The following ZNF473 variants were observed in gnomAD, a reference collection of about 807,000 sequenced individuals.
ZNF473 encodes the protein zinc finger protein 100 homolog.
ZNF473 carries 4 observed loss-of-function variants against 11.1 expected under a neutral mutation model. The ratio of observed to expected loss-of-function variants is 0.36; its 90% CI spans 0.18 to 0.82. The LOEUF (loss-of-function observed/expected upper bound fraction) is 0.82. ZNF473 is among the 40% of genes least tolerant of loss of function. ZNF473 has a pLI of 0.49. For synonymous variants in ZNF473, 404 were observed against 390.4 expected, an observed-to-expected ratio of 1.03 and a Z score of -0.41; for missense variants, 854 against 1,084.0, an observed-to-expected ratio of 0.79 and a Z score of 2.98.
intron 4 of ZNF473, chr19:50,043,448 A>AAAATAT (rs1259545565): frequency 2.3e-4 from 25 of 107,914 alleles, no homozygotes; most frequent in Non-Finnish European, 3.7e-4. Context: ...AAAAAAAAAA[A>AAAATAT]ATATATATAT....
chr19:50,036,814 C>G (rs157549), intron 2 of ZNF473, among the ~76,000 whole-genome samples: 75,617 of 152,042 alleles, frequency 0.5, 19,985 homozygotes, highest in East Asian at 0.8. Flanking sequence ...ACCAGCAGGA[C>G]GACCCTCACC....
In ZNF473 at chr19:50,047,240, G is replaced by T; in HGVS notation, c.*181G>T. ...AAAGTGGAGAAGCTGTACAACGTCAGGATTCAGAGGTAGGCTCTGGAGCCA... is the reference window on the plus strand; with the variant it reads ...AAAGTGGAGAAGCTGTACAACGTCATGATTCAGAGGTAGGCTCTGGAGCCA... On this transcript the variant is annotated 3_prime_UTR_variant, in exon 5 of 5. Coordinates refer to ENST00000270617, the MANE Select transcript of ZNF473 (RefSeq NM_015428.4). 1 of 612,134 alleles carries T rather than the reference G, an allele frequency of 1.6e-6. No individual in the cohort carries two copies. The highest frequency in any genetic ancestry group is 2.1e-5 in the South Asian group (1 of 48,000). The allele number at this position is 612,134 out of a possible 1,614,324, so 37.9% of individuals were successfully genotyped here.
At chr19:50,041,996 T>A (rs60573438) in intron 4 of ZNF473, 177 bp downstream of exon 4, 600 of 506,392 alleles carry the variant, frequency 1.2e-3, no homozygotes, top group African/African-American at 0.011. Context: ...GATCAGGACA[T>A]TTTTATAGAC....
intron 3 of ZNF473, 93 bp from the exon 4 acceptor site, chr19:50,041,637 A>G: frequency 8.9e-7 from 1 of 1,126,948 alleles, no homozygotes; most frequent in Non-Finnish European, 1.3e-6. Flanking sequence ...AGGATAAAGC[A>G]TAGAAAAGTC....
chr19:50,045,592 T>C lies in ZNF473; in HGVS notation c.1149T>C (p.Ile383=). 1 of 1,613,842 alleles carries C rather than the reference T, an allele frequency of 6.2e-7. No homozygotes were observed. Among genetic ancestry groups the C allele is most frequent in the African/African-American group, 1.3e-5 (1 of 74,934 alleles). ...TTSECQECGK[I]FRHSSLLIEH... Reference sequence around the variant, plus strand: ...CTGAGTGTCAGGAGTGTGGGAAGATTTTTAGGCACAGTTCGCTGCTCATTG... The same window carrying C: ...CTGAGTGTCAGGAGTGTGGGAAGATCTTTAGGCACAGTTCGCTGCTCATTG... The change falls in exon 5 of 5, where the codon ATT becomes ATC. Residue 383 remains isoleucine, a synonymous_variant. Coordinates refer to ENST00000270617, the MANE Select transcript of ZNF473 (RefSeq NM_015428.4).
At chr19:50,041,943 T>C (rs1323583355) in intron 4 of ZNF473, 124 bp downstream of exon 4, 3 of 712,294 alleles carry the variant, frequency 4.2e-6, no homozygotes, top group Non-Finnish European at 6.7e-6. Context: ...GACTTCACTC[T>C]GCTTCTCGCT....
intron 4 of ZNF473, 114 bp from the exon 5 acceptor site, chr19:50,044,556 C>T: frequency 2.4e-6 from 2 of 824,494 alleles, no homozygotes; most frequent in East Asian, 2.4e-5. Context: ...CCACATGGGT[C>T]ACCCCTTTGG....
At chr19:50,034,471 A>G (rs1406753306) in intron 2 of ZNF473, among the ~76,000 whole-genome samples, 1 of 152,206 alleles carries the variant, frequency 6.6e-6, no homozygotes, top group Non-Finnish European at 1.5e-5. Context: ...GACCTAATGA[A>G]GGCGAACGCC....
intron 1 of ZNF473, among the ~76,000 whole-genome samples, chr19:50,029,699 A>G (rs931707124): frequency 6.6e-6 from 1 of 152,224 alleles, no homozygotes; most frequent in African/African-American, 2.4e-5. Context: ...GGGTCATGAA[A>G]ATAACTAGGT....
intron 2 of ZNF473, among the ~76,000 whole-genome samples, chr19:50,033,524 C>G (rs1014363136): frequency 1.3e-5 from 2 of 152,140 alleles, no homozygotes; most frequent in Non-Finnish European, 2.9e-5. Flanking sequence ...CCTTGCTCGT[C>G]CACCCAATTC....
chr19:50,043,873 G>C (rs1978924220), intron 4 of ZNF473, among the ~76,000 whole-genome samples: 1 of 152,074 alleles, frequency 6.6e-6, no homozygotes. Context: ...AAAAGACTTA[G>C]AGGAGTTAGT....
rs1474019629 is a variant in ZNF473, at chr19:50,047,942, A to G, written c.*883A>G. On this transcript the variant is annotated 3_prime_UTR_variant, in exon 5 of 5. Transcript: ENST00000270617. ...ATATGAAACAACCCATATGGAAGAC[A>G]TACTTAGGGGTCAAACCTGTGGTGT... The G allele has an allele frequency of 6.6e-6, 1 of 152,216 alleles. No individual in the cohort carries two copies. The highest frequency in any genetic ancestry group is 2.4e-5 in the African/African-American group (1 of 41,458). 9.4% of individuals were successfully genotyped at this position (152,216 alleles called of 1,614,324 possible).
chr19:50,035,632 G>A (rs1365242239), intron 2 of ZNF473, among the ~76,000 whole-genome samples: 3 of 152,092 alleles, frequency 2.0e-5, no homozygotes, highest in Non-Finnish European at 4.4e-5. Context: ...TAGGTGCTTG[G>A]TCATCATTGG....
In ZNF473 at chr19:50,047,899, G is replaced by A. The variant is rs1232882365; in HGVS notation, c.*840G>A. The A allele has an allele frequency of 6.6e-6, 1 of 152,194 alleles. No homozygotes were observed. The highest frequency in any genetic ancestry group is 1.5e-5 in the Non-Finnish European group (1 of 68,034). The allele number at this position is 152,194 out of a possible 1,614,324, so 9.4% of individuals were successfully genotyped here. ...TGGATTCCATCAGGAAAGCTGCATT[G>A]ATCAGGGTGTTAACCGCATATGAAA... On this transcript the variant is annotated 3_prime_UTR_variant, in exon 5 of 5. Transcript: ENST00000270617.
chr19:50,046,796 C>T lies in ZNF473; in HGVS notation c.2353C>T (p.Pro785Ser). ...CCGGAGAGTTCACACTGGGGAGAAGCCCTACAGATGTGGTGAATGTGGGAA... is the reference window on the plus strand; with the variant it reads ...CCGGAGAGTTCACACTGGGGAGAAGTCCTACAGATGTGGTGAATGTGGGAA... ...IHRRVHTGEK[P>S]YRCGECGKAF... The change falls in exon 5 of 5, where the codon CCC (proline) becomes TCC (serine). Residue 785 changes from proline (P) to serine (S), a missense_variant. By Grantham distance (74) the Pro-to-Ser change is moderately conservative. This residue lies in a region of ZNF473 where 186 missense variants were observed against 293.8 expected (regional missense o/e 0.63). Transcript: ENST00000270617. This position sits in a 1 kb window ranked among gnomAD's most constrained non-coding sequence, Gnocchi z 5.9. The T allele has an allele frequency of 6.2e-7, 1 of 1,614,216 alleles. No individual in the cohort carries two copies. The highest frequency in any genetic ancestry group is 8.5e-7 in the Non-Finnish European group (1 of 1,180,028).
In ZNF473 at chr19:50,044,883, G is replaced by T. The variant is rs1403663479; in HGVS notation, c.440G>T (p.Cys147Phe). 6.2e-7 allele frequency: 1 copy of T among 1,614,214 alleles called. No individual in the cohort carries two copies. Among genetic ancestry groups the T allele is most frequent in the Admixed American group, 1.7e-5 (1 of 60,030 alleles). The part of the protein sequence containing the change: ...IATNGESPTE[C>F]KSHELKRGLS... ...ACCAACGGGGAAAGTCCCACGGAAT[G>T]CAAGAGTCATGAATTAAAGAGAGGA... The change falls in exon 5 of 5, where the codon TGC becomes TTC. Residue 147 changes from cysteine (C) to phenylalanine (F), a missense_variant. Cys to Phe is a radical substitution (Grantham distance 205). This residue lies in a region of ZNF473 where 668 missense variants were observed against 790.2 expected (regional missense o/e 0.85). Coordinates refer to ENST00000270617, the MANE Select transcript of ZNF473 (RefSeq NM_015428.4).
At chr19:50,044,632 C>A in intron 4 of ZNF473, 38 bp from the exon 5 acceptor site, 1 of 1,523,702 alleles carries the variant, frequency 6.6e-7, no homozygotes, top group Non-Finnish European at 8.9e-7. Context: ...GTGTTCTCAC[C>A]CTTAGTGAAC....
intron 2 of ZNF473, among the ~76,000 whole-genome samples, chr19:50,035,042 A>T (rs1204274736): frequency 3.9e-5 from 6 of 152,212 alleles, no homozygotes; most frequent in Admixed American, 3.9e-4. Flanking sequence ...CTGTAATCCC[A>T]GAACTTTGGA....
At chr19:50,041,917 C>A in intron 4 of ZNF473, 98 bp downstream of exon 4, 2 of 946,238 alleles carry the variant, frequency 2.1e-6, no homozygotes, top group Non-Finnish European at 3.2e-6. Flanking sequence ...CGAGACATTA[C>A]AACGCTCAGC....
Sources: gnomAD v4.1 joint callset for allele counts (sites outside exome capture counted in the v4.1 genomes callset) on GRCh38, gnomAD v4.1.1 for gene constraint, gnomAD v4.1.1 regional missense constraint, Gnocchi (gnomAD v3.1) non-coding constraint, MANE v1.5 for transcripts, NCBI Gene and HGNC (gene_info 2026-07-23, HGNC 2026-07-21) for gene names.